MAP2K5: variants seen among roughly 807,000 people sequenced by gnomAD.
The protein encoded by MAP2K5 is dual specificity mitogen-activated protein kinase kinase 5.
Under a neutral mutation model 83.1 loss-of-function variants are expected in MAP2K5, and 49 were observed. That is an observed-to-expected ratio of 0.59 (90% CI 0.47 to 0.75). The LOEUF is 0.75. Ranked by LOEUF, MAP2K5 falls within the 30% of genes least tolerant of loss-of-function variation. MAP2K5 has a pLI of 0.00. For missense variants in MAP2K5, 457 were observed against 557.5 expected, an observed-to-expected ratio of 0.82 and a Z score of 1.82; for synonymous variants, 202 against 191.8, an observed-to-expected ratio of 1.05 and a Z score of -0.44.
At chr15:67,616,009 A>G (rs1298493427) in intron 8 of MAP2K5, among the ~76,000 whole-genome samples, 1 of 152,146 alleles carries the variant, frequency 6.6e-6, no homozygotes, top group Non-Finnish European at 1.5e-5. Flanking sequence ...GGTATCTCCT[A>G]ATAGTTTAAC....
At chr15:67,544,938 A>G (rs2084362781) in intron 1 of MAP2K5, among the ~76,000 whole-genome samples, 1 of 152,192 alleles carries the variant, frequency 6.6e-6, no homozygotes, top group South Asian at 2.1e-4. Context: ...AGTCATGCAC[A>G]TACAGATTTC....
Position 67,658,543 on chromosome 15 carries a change from A to G in MAP2K5, c.737-10A>G. 1 of 1,608,768 alleles carries G rather than the reference A, an allele frequency of 6.2e-7. No individual in the cohort carries two copies. The highest frequency in any genetic ancestry group is 8.5e-7 in the Non-Finnish European group (1 of 1,175,476). Reference sequence around the variant, plus strand: ...TCATTTGTAGTAACATGGCATGTTTATCTCTACAGGGGGATCTTTGGATGT... The same window carrying G: ...TCATTTGTAGTAACATGGCATGTTTGTCTCTACAGGGGGATCTTTGGATGT... On this transcript the variant is annotated splice_polypyrimidine_tract_variant and intron_variant, in intron 11 of 21. Transcript: ENST00000178640.
chr15:67,714,413 G>GAAAAAAAAAAA lies in MAP2K5; in HGVS notation c.1044+11005_1044+11006insAAAAAAAAAAA, dbSNP rs2088777375. On this transcript the variant is annotated intron_variant, in intron 16 of 21. Transcript: ENST00000178640. ...CCCCCCACCCCTACCCAGCTGCCAG[G>GAAAAAAAAAAA]GAAAAAAAAAAAAAAAAAAAAAAAA... 9.4e-5 allele frequency among the ~76,000 whole-genome samples: 4 copies of GAAAAAAAAAAA among 42,692 alleles called. 2 individuals are homozygous for GAAAAAAAAAAA. Among genetic ancestry groups the GAAAAAAAAAAA allele is most frequent in the African/African-American group, 3.1e-4 (4 of 12,744 alleles). The allele number at this position is 42,692 out of a possible 152,430, so 28.0% of individuals were successfully genotyped here. A position where few individuals can be genotyped will look rare whatever the true frequency, so the allele number is the denominator to read the frequency against.
At chr15:67,673,413 A>T (rs543521723) in intron 13 of MAP2K5, among the ~76,000 whole-genome samples, 44 of 152,310 alleles carry the variant, frequency 2.9e-4, no homozygotes, top group Non-Finnish European at 5.7e-4. Context: ...AAATTTTAAG[A>T]TTAAAAATGT....
rs918127618 is a variant in MAP2K5, at chr15:67,640,007, C to G, written c.586-6224C>G. Among the ~76,000 whole-genome samples the G allele has an allele frequency of 6.6e-6, 1 of 152,158 alleles. No homozygotes were observed. The highest frequency in any genetic ancestry group is 1.5e-5 in the Non-Finnish European group (1 of 68,028). ...CCTCTCTAGAATTCCCTGTATATGT[C>G]TTTTAAGGGTGTTATCACCAACTGC... On this transcript the variant is annotated intron_variant, in intron 9 of 21. Coordinates refer to ENST00000178640, the MANE Select transcript of MAP2K5 (RefSeq NM_145160.3). This position sits in a 1 kb window ranked among gnomAD's most constrained non-coding sequence, Gnocchi z 4.6.
chr15:67,584,273 T>G (rs930675890), intron 4 of MAP2K5, among the ~76,000 whole-genome samples: 1 of 152,234 alleles, frequency 6.6e-6, no homozygotes, highest in Admixed American at 6.5e-5. Context: ...TTATAAAAGT[T>G]TGAGAAGTCA....
Position 67,783,395 on chromosome 15 carries a change from G to C in MAP2K5, c.1242+10643G>C, listed in dbSNP as rs147134458. Among the ~76,000 whole-genome samples the C allele has an allele frequency of 9.9e-3, 1,510 of 152,280 alleles. 12 individuals carry two copies. Among genetic ancestry groups the C allele is most frequent in the Middle Eastern group, 0.027 (8 of 294 alleles). On this transcript the variant is annotated intron_variant, in intron 21 of 21. Coordinates refer to ENST00000178640, the MANE Select transcript of MAP2K5 (RefSeq NM_145160.3). The surrounding 1 kb of genome is among the most constrained non-coding windows in gnomAD (Gnocchi z 5.1). ...CTTCTGGCAGTCCCCAGATGCGTGA[G>C]GCATCCTCACACAGTCATGTCTTTG...
intron 11 of MAP2K5, among the ~76,000 whole-genome samples, chr15:67,653,984 C>T (rs903238362): frequency 1.4e-4 from 22 of 152,160 alleles, no homozygotes; most frequent in African/African-American, 4.8e-4. Flanking sequence ...TCCACATATG[C>T]GTACTTGAGA....
intron 17 of MAP2K5, among the ~76,000 whole-genome samples, chr15:67,732,627 A>G (rs2089245981): frequency 6.6e-6 from 1 of 151,988 alleles, no homozygotes; most frequent in Non-Finnish European, 1.5e-5. Flanking sequence ...ACACCCCATT[A>G]ATTTATTACT....
rs891744386 is a variant in MAP2K5 at position 67,770,991 on chromosome 15, A to G, written c.1196+1328A>G. 6.0e-4 allele frequency among the ~76,000 whole-genome samples: 92 copies of G among 152,292 alleles called. No homozygotes were observed. Among genetic ancestry groups the G allele is most frequent in the African/African-American group, 2.0e-3 (84 of 41,554 alleles). ...AAACATTTTATTTCCAAAGCATGCCATGTCGGAAAAAAGCATACATGTTGA... is the reference window on the plus strand; with the variant it reads ...AAACATTTTATTTCCAAAGCATGCCGTGTCGGAAAAAAGCATACATGTTGA... On this transcript the variant is annotated intron_variant, in intron 20 of 21. Transcript: ENST00000178640. The surrounding 1 kb of genome is among the most constrained non-coding windows in gnomAD (Gnocchi z 5.0).
chr15:67,630,622 CT>C (rs2141087917), intron 8 of MAP2K5, among the ~76,000 whole-genome samples: 1 of 152,330 alleles, frequency 6.6e-6, no homozygotes, highest in Non-Finnish European at 1.5e-5. Context: ...TGTTTAACTT[CT>C]CTGTGCTTCA....
intron 16 of MAP2K5, among the ~76,000 whole-genome samples, chr15:67,709,478 C>CAAAA (rs34286897): frequency 5.4e-5 from 7 of 129,714 alleles, no homozygotes; most frequent in Non-Finnish European, 6.4e-5. Flanking sequence ...GACTTCAGGG[C>CAAAA]AAAAAAAAAA....
intron 15 of MAP2K5, among the ~76,000 whole-genome samples, chr15:67,701,856 G>T (rs906248987): frequency 6.6e-6 from 1 of 152,188 alleles, no homozygotes; most frequent in African/African-American, 2.4e-5. Flanking sequence ...CTGACTTCTA[G>T]TTGTGGGGTC....
At chr15:67,721,959 A>G (rs1031206911) in intron 16 of MAP2K5, among the ~76,000 whole-genome samples, 1 of 152,220 alleles carries the variant, frequency 6.6e-6, no homozygotes, top group African/African-American at 2.4e-5. Flanking sequence ...TTATGATATC[A>G]TACAAGTTAA....
intron 17 of MAP2K5, among the ~76,000 whole-genome samples, chr15:67,730,283 TGA>T (rs1264993130): frequency 6.6e-6 from 1 of 152,212 alleles, no homozygotes; most frequent in Non-Finnish European, 1.5e-5. Flanking sequence ...TCACTGAGGC[TGA>T]GTTATGGAAT....
chr15:67,623,703 T>G (rs980465487), intron 8 of MAP2K5, among the ~76,000 whole-genome samples: 1 of 151,838 alleles, frequency 6.6e-6, no homozygotes, highest in Non-Finnish European at 1.5e-5. Context: ...GTTCAAATGA[T>G]TCTCCTGTCT....
In MAP2K5 at chr15:67,593,067, CTG is replaced by C. The variant is rs2085450389; in HGVS notation, c.480+96_480+97del. The C allele has an allele frequency of 7.8e-6, 6 of 773,072 alleles. No individual in the cohort carries two copies. In the Admixed American group the frequency reaches 1.1e-4, roughly 14 times the overall value. The allele number at this position is 773,072 out of a possible 1,614,324, so 47.9% of individuals were successfully genotyped here. A position where few individuals can be genotyped will look rare whatever the true frequency, so the allele number is the denominator to read the frequency against. On this transcript the variant is annotated intron_variant, in intron 7 of 21. Transcript: ENST00000178640. ...TAAGCTTATTAAACAGATAAAGAGT[CTG>C]TGAGTTTCCTGTCATAAATGAATAA...
chr15:67,596,324 G>C (rs1001533310), intron 7 of MAP2K5, among the ~76,000 whole-genome samples: 12 of 152,102 alleles, frequency 7.9e-5, no homozygotes, highest in African/African-American at 2.9e-4. Flanking sequence ...TGAGGCATAA[G>C]AATAGCTTGA....
rs541355771 is a variant in MAP2K5, at chr15:67,590,216, A to AAGTTTAAGATGTATTTAGAAAGAAG, written c.432-2706_432-2682dup. Among the ~76,000 whole-genome samples, 22 of 152,280 alleles carry AAGTTTAAGATGTATTTAGAAAGAAG rather than the reference A, an allele frequency of 1.4e-4. No homozygotes were observed. In the East Asian group the frequency reaches 4.1e-3, roughly 28 times the overall value. ...CATAGTTTACATTTGACCATAGCAA[A>AAGTTTAAGATGTATTTAGAAAGAAG]AGTTTAAGATGTATTTAGAAAGAAG... On this transcript the variant is annotated intron_variant, in intron 6 of 21. Transcript: ENST00000178640.
Sources: allele counts gnomAD v4.1 joint callset (sites outside exome capture counted in the v4.1 genomes callset), GRCh38; gene constraint gnomAD v4.1.1; non-coding constraint Gnocchi (gnomAD v3.1); transcripts MANE v1.5; gene names NCBI Gene and HGNC (gene_info 2026-07-23, HGNC 2026-07-21).